PRKN: variants seen among roughly 807,000 people sequenced by gnomAD.
PRKN encodes the protein parkin RBR E3 ubiquitin protein ligase, also known as E3 ubiquitin-protein ligase parkin.
A neutral mutation model predicts 59.5 loss-of-function variants in PRKN; 56 were observed. That is an observed-to-expected ratio of 0.94 (90% confidence interval 0.76 to 1.18). The LOEUF (loss-of-function observed/expected upper bound fraction) is 1.18, where lower values mean the gene tolerates loss of function less well. PRKN is among the 50% of genes most tolerant of loss of function. The pLI, the probability that PRKN is intolerant of heterozygous loss-of-function variation, is 0.00. For synonymous variants in PRKN, 250 were observed against 222.1 expected (o/e 1.13, Z -1.12); for missense variants, 657 against 596.4 (o/e 1.10, Z -1.06).
rs139510866 is a variant in PRKN, at chr6:162,546,735, C to T, written c.8-103262G>A. On this transcript the variant is annotated intron_variant, in intron 1 of 11. Transcript: ENST00000366898. ...CTGGGATTACAGGCGTGAGCCACCGCGCCTGGCCCAACACACACTATTTCT... is the reference window on the plus strand; with the variant it reads ...CTGGGATTACAGGCGTGAGCCACCGTGCCTGGCCCAACACACACTATTTCT... Among the ~76,000 whole-genome samples, 1,412 of 152,232 alleles carry T rather than the reference C, an allele frequency of 9.3e-3. 20 individuals carry two copies. The highest frequency in any genetic ancestry group is 0.03 in the African/African-American group (1,245 of 41,520).
At chr6:161,573,493 G>A (rs1780974434) in intron 7 of PRKN, among the ~76,000 whole-genome samples, 1 of 151,450 alleles carries the variant, frequency 6.6e-6, no homozygotes, top group Non-Finnish European at 1.5e-5. Context: ...GGCAGAGGCA[G>A]GCAGATCACG....
chr6:162,472,845 G>A (rs572434714), intron 1 of PRKN, among the ~76,000 whole-genome samples: 29 of 148,466 alleles, frequency 2.0e-4, no homozygotes, highest in East Asian at 6.5e-4. Context: ...AAATATTTCC[G>A]AAGCTGTTCA....
chr6:162,341,074 A>G (rs6931595), intron 2 of PRKN, among the ~76,000 whole-genome samples: 7,845 of 151,302 alleles, frequency 0.052, 689 homozygotes, highest in African/African-American at 0.18. Flanking sequence ...TTTACAAGGG[A>G]AAAAAAAACA....
In PRKN at chr6:161,366,843, G is replaced by A. The variant is rs538437478; in HGVS notation, c.1168-6638C>T. ...GTCTATAAATTTGTTCTGACCCCGA[G>A]GCACCCTTGGAGTCTCTCTGAATCT... On this transcript the variant is annotated intron_variant, in intron 10 of 11. Coordinates refer to ENST00000366898, the MANE Select transcript of PRKN (RefSeq NM_004562.3). 8.4e-4 allele frequency among the ~76,000 whole-genome samples: 128 copies of A among 152,166 alleles called. 1 individual carries two copies. In the Middle Eastern group the frequency reaches 0.01, roughly 12 times the overall value.
chr6:161,881,831 A>G (rs1474283901), intron 6 of PRKN, among the ~76,000 whole-genome samples: 1 of 152,134 alleles, frequency 6.6e-6, no homozygotes, highest in Non-Finnish European at 1.5e-5. Flanking sequence ...TTTGCTCCCG[A>G]TGGCAAACCC....
chr6:161,634,195 C>T (rs1406765714), intron 7 of PRKN, among the ~76,000 whole-genome samples: 1 of 152,156 alleles, frequency 6.6e-6, no homozygotes, highest in Non-Finnish European at 1.5e-5. Flanking sequence ...GAAAGCACAT[C>T]CCCTTGTCGG....
In PRKN at chr6:161,849,289, C is replaced by T. The variant is rs190169182; in HGVS notation, c.735-63381G>A. Among the ~76,000 whole-genome samples the T allele has an allele frequency of 2.4e-3, 359 of 152,278 alleles. 4 individuals are homozygous for T. The highest frequency in any genetic ancestry group is 6.8e-3 in the Middle Eastern group (2 of 294). ...CACAGGTGCCATGGTTTTGTTGTAC[C>T]TGCCAACATTTCAACTGTTTTAGAA... On this transcript the variant is annotated intron_variant, in intron 6 of 11. Coordinates refer to ENST00000366898, the MANE Select transcript of PRKN (RefSeq NM_004562.3).
rs1409185464 is a variant in PRKN at position 161,368,817 on chromosome 6, G to A, written c.1168-8612C>T. 2.6e-4 allele frequency among the ~76,000 whole-genome samples: 39 copies of A among 152,064 alleles called. 1 individual carries two copies. The highest frequency in any genetic ancestry group is 2.0e-3 in the Admixed American group (30 of 15,278). On this transcript the variant is annotated intron_variant, in intron 10 of 11. Coordinates refer to ENST00000366898, the MANE Select transcript of PRKN (RefSeq NM_004562.3). ...TTCAAGAAGGACACCAGGAGGCCAC[G>A]GCTGCCAAAGCTCATGCCCTTTCTT... is the stretch of plus-strand genomic sequence containing the variant.
intron 4 of PRKN, among the ~76,000 whole-genome samples, chr6:162,109,675 C>G (rs1239598072): frequency 6.6e-6 from 1 of 152,202 alleles, no homozygotes; most frequent in Admixed American, 6.5e-5. Flanking sequence ...TATTTATAGT[C>G]TGATATATTA....
At chr6:161,890,049 C>T (rs528223604) in intron 6 of PRKN, among the ~76,000 whole-genome samples, 1 of 152,296 alleles carries the variant, frequency 6.6e-6, no homozygotes, top group Admixed American at 6.5e-5. Context: ...GGGGTCAGAA[C>T]AGGTCTCGTA....
intron 6 of PRKN, among the ~76,000 whole-genome samples, chr6:161,906,314 A>G (rs1222744606): frequency 6.6e-6 from 1 of 152,202 alleles, no homozygotes; most frequent in African/African-American, 2.4e-5. Flanking sequence ...TACACATTTG[A>G]TAAGAACTGG....
intron 7 of PRKN, among the ~76,000 whole-genome samples, chr6:161,694,257 T>A (rs1323985228): frequency 6.6e-6 from 1 of 152,094 alleles, no homozygotes; most frequent in African/African-American, 2.4e-5. Flanking sequence ...AAAAAGATTT[T>A]GACCATGGAC....
chr6:162,320,263 A>G (rs1441830058), intron 2 of PRKN, among the ~76,000 whole-genome samples: 1 of 151,398 alleles, frequency 6.6e-6, no homozygotes, highest in Non-Finnish European at 1.5e-5. Flanking sequence ...CAGTGCTGCA[A>G]TAAACACAAA....
intron 6 of PRKN, among the ~76,000 whole-genome samples, chr6:161,936,327 G>A (rs936494601): frequency 1.3e-5 from 2 of 151,288 alleles, no homozygotes; most frequent in African/African-American, 4.9e-5. Context: ...TTCTGCCTCA[G>A]TCTCCCAAGC....
chr6:162,476,602 A>T (rs369476552), intron 1 of PRKN, among the ~76,000 whole-genome samples: 1 of 152,218 alleles, frequency 6.6e-6, no homozygotes, highest in Admixed American at 6.5e-5. Context: ...GCAGCACAGC[A>T]TGAGGAAAGG....
At chr6:161,495,814 T>C (rs1274496734) in intron 9 of PRKN, among the ~76,000 whole-genome samples, 2 of 152,242 alleles carry the variant, frequency 1.3e-5, no homozygotes, top group Non-Finnish European at 2.9e-5. Flanking sequence ...CCGTGCTCTC[T>C]TGGTGGGGTT....
At chr6:161,962,982 T>A (rs1322251397) in intron 6 of PRKN, among the ~76,000 whole-genome samples, 1 of 151,952 alleles carries the variant, frequency 6.6e-6, no homozygotes, top group Non-Finnish European at 1.5e-5. Context: ...CCGTCTCTAC[T>A]AAAAATATAA....
At chr6:161,809,675 T>C (rs926760123) in intron 6 of PRKN, among the ~76,000 whole-genome samples, 26 of 152,334 alleles carry the variant, frequency 1.7e-4, no homozygotes, top group Non-Finnish European at 2.4e-4. Flanking sequence ...ATTTTGGTGA[T>C]AAAATTTTAA....
At position 162,416,887 on chromosome 6, in the gene PRKN, A is replaced by T. The variant is rs775827358; in HGVS notation, c.171+26423T>A. On this transcript the variant is annotated intron_variant, in intron 2 of 11. Coordinates refer to ENST00000366898, the MANE Select transcript of PRKN (RefSeq NM_004562.3). ...ATCAACTTAATAATCAATTAAAGAA[A>T]TTTTTTATTTAAAAATGGATAAGAA... is the stretch of plus-strand genomic sequence containing the variant. Among the ~76,000 whole-genome samples the T allele has an allele frequency of 1.1e-4, 17 of 152,156 alleles. 1 individual carries two copies. Among genetic ancestry groups the T allele is most frequent in the East Asian group, 7.7e-4 (4 of 5,196 alleles).
Sources: allele counts gnomAD v4.1 joint callset (sites outside exome capture counted in the v4.1 genomes callset), GRCh38; gene constraint gnomAD v4.1.1; transcripts MANE v1.5; gene names NCBI Gene and HGNC (gene_info 2026-07-23, HGNC 2026-07-21).